MYT1: variants seen among roughly 807,000 people sequenced by gnomAD.
MYT1 encodes myelin transcription factor 1.
In MYT1, 23 loss-of-function variants were observed where a neutral mutation model predicts 123.0. The observed-to-expected ratio is 0.19, with a 90% CI of 0.13 to 0.26. The LOEUF is 0.26. Among genes scored for constraint, MYT1 ranks in the 10% least tolerant of loss-of-function variants. The pLI is 1.00. For synonymous variants in MYT1, 518 were observed against 575.3 expected (o/e 0.90, Z 1.43); for missense variants, 1,125 against 1,472.5 (o/e 0.76, Z 3.86).
Position 64,236,098 on chromosome 20 carries a change from G to A in MYT1, c.2898-457G>A, listed in dbSNP as rs1415380962. ...CGTGGTGGGTGACCCTGGGATGGCC[G>A]TGGTGGGTGACCCTGGGCTGGCTGT... On this transcript the variant is annotated intron_variant, in intron 19 of 22. Coordinates refer to ENST00000328439, the MANE Select transcript of MYT1 (RefSeq NM_004535.3). Among the ~76,000 whole-genome samples the A allele has an allele frequency of 2.6e-4, 30 of 113,436 alleles. 5 individuals carry two copies. The highest frequency in any genetic ancestry group is 3.7e-4 in the Non-Finnish European group (21 of 56,044). The allele number at this position is 113,436 out of a possible 152,430, so 74.4% of individuals were successfully genotyped here.
chr20:64,204,227 G>A (rs938538661), intron 4 of MYT1, among the ~76,000 whole-genome samples: 8 of 152,234 alleles, frequency 5.3e-5, no homozygotes, highest in African/African-American at 1.9e-4. Context: ...CAGTACTCAT[G>A]CTCAGAAGTT....
chr20:64,171,968 C>T (rs1214211397), intron 1 of MYT1, among the ~76,000 whole-genome samples: 1 of 152,194 alleles, frequency 6.6e-6, no homozygotes, highest in African/African-American at 2.4e-5. Context: ...CTGGAGAGCC[C>T]TCTGATGGCC....
chr20:64,208,204 C>T lies in MYT1; in HGVS notation c.1008C>T (p.Pro336=), dbSNP rs749351080. Residue 336 remains proline (P), a synonymous_variant, in exon 7 of 23, where the codon CCC becomes CCT. Transcript: ENST00000328439. This position sits in a 1 kb window ranked among gnomAD's most constrained non-coding sequence, Gnocchi z 5.4. ...TCCGGGGCCCAGAATCACCCAGTCC[C>T]AAGCCTGAGTACTCTGTTATTGTGG... is the stretch of plus-strand genomic sequence containing the variant. The part of the protein sequence containing the change: ...PELRGPESPS[P]KPEYSVIVEV... 6.2e-7 allele frequency: 1 copy of T among 1,613,988 alleles called. No homozygotes were observed. The highest frequency in any genetic ancestry group is 1.1e-5 in the South Asian group (1 of 91,080).
In MYT1 at chr20:64,232,044, C is replaced by T. The variant is rs1601724382; in HGVS notation, c.2676-120C>T. 4 of 976,850 alleles carry T rather than the reference C, an allele frequency of 4.1e-6. No individual in the cohort carries two copies. Among genetic ancestry groups the T allele is most frequent in the East Asian group, 5.2e-5 (2 of 38,504 alleles). The allele number at this position is 976,850 out of a possible 1,614,324, so 60.5% of individuals were successfully genotyped here. A position where few individuals can be genotyped will look rare whatever the true frequency, so the allele number is the denominator to read the frequency against. On this transcript the variant is annotated intron_variant, in intron 18 of 22. Coordinates refer to ENST00000328439, the MANE Select transcript of MYT1 (RefSeq NM_004535.3). This position sits in a 1 kb window ranked among gnomAD's most constrained non-coding sequence, Gnocchi z 6.9. ...AGGACCTCAGCGGCCCTCCCTGCCTCACTCAGAAGCCCTTTAACGGCTCTG... is the reference window on the plus strand; with the variant it reads ...AGGACCTCAGCGGCCCTCCCTGCCTTACTCAGAAGCCCTTTAACGGCTCTG...
intron 4 of MYT1, 151 bp from the exon 5 acceptor site, chr20:64,204,884 G>T: frequency 1.5e-6 from 1 of 672,998 alleles, no homozygotes; most frequent in Non-Finnish European, 2.6e-6. Flanking sequence ...TTATTTGAAT[G>T]GGGCGAGTTA....
chr20:64,235,643 T>G, intron 19 of MYT1, among the ~76,000 whole-genome samples: 1 of 132,082 alleles, frequency 7.6e-6, no homozygotes, highest in Non-Finnish European at 1.6e-5. Context: ...GGGCTGGCCG[T>G]GGTGGGTGAC....
intron 1 of MYT1, among the ~76,000 whole-genome samples, chr20:64,184,864 C>T (rs968855126): frequency 6.6e-6 from 1 of 152,198 alleles, no homozygotes; most frequent in African/African-American, 2.4e-5. Context: ...GAGAAGCCAT[C>T]TGACATGGGG....
In MYT1 at chr20:64,237,195, G is replaced by T. The variant is rs528138820; in HGVS notation, c.2990-92G>T. 4.1e-6 allele frequency: 4 copies of T among 977,876 alleles called. No homozygotes were observed. The African/African-American group carries it at 4.8e-5, about 12-fold the overall frequency. The allele number at this position is 977,876 out of a possible 1,614,324, so 60.6% of individuals were successfully genotyped here. A position where few individuals can be genotyped will look rare whatever the true frequency, so the allele number is the denominator to read the frequency against. The stretch of plus-strand genomic sequence containing the variant: ...AGGGGAGACCTCTGCTGCACAGGGG[G>T]TTTCAGTTCTAGAAAGCAGGCTTCC... On this transcript the variant is annotated intron_variant, in intron 20 of 22. Coordinates refer to ENST00000328439, the MANE Select transcript of MYT1 (RefSeq NM_004535.3).
At chr20:64,198,147 C>T (rs917634160) in intron 2 of MYT1, among the ~76,000 whole-genome samples, 8 of 151,672 alleles carry the variant, frequency 5.3e-5, no homozygotes, top group South Asian at 4.2e-4. Context: ...ATTAGCCGGG[C>T]GTGGTAGCGG....
chr20:64,218,713 T>C lies in MYT1; in HGVS notation c.1847-198T>C, dbSNP rs1239051404. 2 of 713,616 alleles carry C rather than the reference T, an allele frequency of 2.8e-6. No individual in the cohort carries two copies. Among genetic ancestry groups the C allele is most frequent in the African/African-American group, 1.8e-5 (1 of 56,714 alleles). 44.2% of individuals were successfully genotyped at this position (713,616 alleles called of 1,614,324 possible). The stretch of plus-strand genomic sequence containing the variant: ...TGGCCAAGCCCCTGGCCCACTTCGA[T>C]ATAGCTGTGCCCTGGGCCCTCCCAT... On this transcript the variant is annotated intron_variant, in intron 11 of 22. Coordinates refer to ENST00000328439, the MANE Select transcript of MYT1 (RefSeq NM_004535.3). This position sits in a 1 kb window ranked among gnomAD's most constrained non-coding sequence, Gnocchi z 4.0.
chr20:64,169,940 C>T (rs1433446656), intron 1 of MYT1, among the ~76,000 whole-genome samples: 1 of 152,156 alleles, frequency 6.6e-6, no homozygotes, highest in Non-Finnish European at 1.5e-5. Flanking sequence ...CTTTCCAGCA[C>T]AGCCTCCCTC....
chr20:64,217,803 A>G (rs959407607), intron 11 of MYT1, among the ~76,000 whole-genome samples: 1 of 152,256 alleles, frequency 6.6e-6, no homozygotes, highest in African/African-American at 2.4e-5. Flanking sequence ...CTTACTGGAT[A>G]CAATGTGTTA....
At chr20:64,199,051 C>T (rs1983212348) in intron 3 of MYT1, 135 bp downstream of exon 3, 1 of 879,866 alleles carries the variant, frequency 1.1e-6, no homozygotes, top group South Asian at 1.7e-5. Flanking sequence ...CTCATTCATC[C>T]TCAGGGCTGC....
At chr20:64,222,571 G>A (rs1984041671) in intron 14 of MYT1, among the ~76,000 whole-genome samples, 1 of 152,258 alleles carries the variant, frequency 6.6e-6, no homozygotes, top group South Asian at 2.1e-4. Context: ...TGAATCAGAT[G>A]TCAATGACCT....
intron 16 of MYT1, among the ~76,000 whole-genome samples, chr20:64,226,769 T>G (rs1358518276): frequency 6.6e-6 from 1 of 152,260 alleles, no homozygotes; most frequent in African/African-American, 2.4e-5. Flanking sequence ...AAAGTTGGAC[T>G]TTTGTGTTTC....
chr20:64,228,236 GGGGCT>G, intron 18 of MYT1: 1 of 500,736 alleles, frequency 2.0e-6, no homozygotes, highest in Non-Finnish European at 3.5e-6. Flanking sequence ...AGTATTTGAC[GGGGCT>G]GGGAGAGGCA....
chr20:64,224,681 T>C (rs1224312779), intron 16 of MYT1, among the ~76,000 whole-genome samples: 1 of 152,218 alleles, frequency 6.6e-6, no homozygotes, highest in Non-Finnish European at 1.5e-5. Flanking sequence ...TCCTGCAGCT[T>C]CTGGGACTGT....
At chr20:64,176,287 C>T (rs61701165) in intron 1 of MYT1, among the ~76,000 whole-genome samples, 3 of 120,874 alleles carry the variant, frequency 2.5e-5, no homozygotes, top group Admixed American at 1.6e-4. Context: ...TCTCCTCCTG[C>T]AGCATCTTTC....
At position 64,219,792 on chromosome 20, in the gene MYT1, CCAGCAGCAGCAGCTG is replaced by C. The variant is rs1023480310; in HGVS notation, c.2062_2076del (p.Ser688_Ser692del). 1.9e-6 allele frequency: 3 copies of C among 1,614,064 alleles called. No individual in the cohort carries two copies. Among genetic ancestry groups the C allele is most frequent in the South Asian group, 2.2e-5 (2 of 91,050 alleles). ...CACCGCAAACGAGAAAATGCTTTCC[CCAGCAGCAGCAGCTG>C]CAGCAGCAGCCCCGGTGTGAAGTCT... On this transcript the variant is annotated inframe_deletion, in exon 13 of 23. Coordinates refer to ENST00000328439, the MANE Select transcript of MYT1 (RefSeq NM_004535.3).
Sources: gnomAD v4.1 joint callset for allele counts (sites outside exome capture counted in the v4.1 genomes callset) on GRCh38, gnomAD v4.1.1 for gene constraint, Gnocchi (gnomAD v3.1) non-coding constraint, MANE v1.5 for transcripts, NCBI Gene and HGNC (gene_info 2026-07-23, HGNC 2026-07-21) for gene names.